The following SCARB2 variants were observed in gnomAD, a reference collection of about 807,000 sequenced individuals.
SCARB2 encodes the protein scavenger receptor class B member 2, also known as lysosome membrane protein 2.
In SCARB2, 29 loss-of-function variants were observed where a neutral mutation model predicts 58.6. The observed-to-expected ratio is 0.49, with a 90% confidence interval of 0.37 to 0.67. SCARB2 has a LOEUF of 0.67. SCARB2 is among the 30% of genes least tolerant of loss of function. The pLI is 0.00. For missense variants in SCARB2, 488 were observed against 578.5 expected (o/e 0.84, Z 1.60); for synonymous variants, 195 against 210.1 (o/e 0.93, Z 0.62).
Position 76,176,306 on chromosome 4 carries a change from C to T in SCARB2, c.704+131G>A, listed in dbSNP as rs1732250373. On this transcript the variant is annotated intron_variant, in intron 5 of 11. Transcript: ENST00000264896. ...ATCTTGATTTGTAGAATAATAATTA[C>T]AAGACTATTTACATGTTTTTATATT... 4 of 650,456 alleles carry T rather than the reference C, an allele frequency of 6.1e-6. No individual in the cohort carries two copies. In the South Asian group the frequency reaches 7.5e-5, roughly 12 times the overall value. The allele number at this position is 650,456 out of a possible 1,614,324, so 40.3% of individuals were successfully genotyped here.
upstream of SCARB2, chr4:76,217,486 T>C: frequency 7.3e-6 from 3 of 408,196 alleles, no homozygotes; most frequent in Admixed American, 8.5e-5. Context: ...AGAGAGCGGG[T>C]TGTTGAAAAG....
At chr4:76,169,234 A>T (rs1377834407) in intron 8 of SCARB2, among the ~76,000 whole-genome samples, 1 of 151,902 alleles carries the variant, frequency 6.6e-6, no homozygotes, top group African/African-American at 2.4e-5. Flanking sequence ...ATTGGTCCAT[A>T]ATGTTCAAAT....
At chr4:76,192,065 C>G (rs918437247) in intron 2 of SCARB2, 3 of 152,124 alleles carry the variant, frequency 2.0e-5, no homozygotes, top group Non-Finnish European at 4.4e-5. Context: ...GCCACCATGC[C>G]CAGGAAGGTT....
chr4:76,185,792 G>C (rs1732474248), intron 2 of SCARB2, among the ~76,000 whole-genome samples: 1 of 152,150 alleles, frequency 6.6e-6, no homozygotes, highest in Non-Finnish European at 1.5e-5. Flanking sequence ...AGAAGTGATT[G>C]GGCATACACT....
chr4:76,201,853 T>G (rs1732834626), intron 1 of SCARB2, among the ~76,000 whole-genome samples: 1 of 152,238 alleles, frequency 6.6e-6, no homozygotes, highest in Non-Finnish European at 1.5e-5. Flanking sequence ...TCATAGCAAG[T>G]ATAGCATAGG....
intron 1 of SCARB2, among the ~76,000 whole-genome samples, chr4:76,228,478 TAA>T (rs906897366): frequency 2.1e-5 from 3 of 140,774 alleles, no homozygotes; most frequent in African/African-American, 2.6e-5. Flanking sequence ...GCCTCCATCT[TAA>T]AAAAAAAAAA....
chr4:76,167,867 A>T (rs530065970), intron 9 of SCARB2, among the ~76,000 whole-genome samples: 2 of 152,088 alleles, frequency 1.3e-5, no homozygotes, highest in African/African-American at 2.4e-5. Flanking sequence ...TTTTTAGTAG[A>T]GACGAGGTTT....
intron 1 of SCARB2, among the ~76,000 whole-genome samples, chr4:76,233,807 AG>A (rs780907526): frequency 2.8e-4 from 43 of 152,188 alleles, no homozygotes; most frequent in Non-Finnish European, 1.0e-4. Context: ...AACCAGATGA[AG>A]GCTTCATTTC....
At chr4:76,227,556 T>G (rs1733419237) in intron 1 of SCARB2, among the ~76,000 whole-genome samples, 2 of 152,328 alleles carry the variant, frequency 1.3e-5, no homozygotes, top group South Asian at 2.1e-4. Context: ...ATCTGGGGTA[T>G]AGTTTCAGTC....
intron 3 of SCARB2, 171 bp downstream of exon 3, chr4:76,180,783 G>A (rs1732365995): frequency 2.2e-6 from 1 of 461,680 alleles, no homozygotes. Context: ...ATACATCTTA[G>A]AAAAAAGTCC....
chr4:76,165,484 T>A (rs1180771721), intron 10 of SCARB2: 1 of 152,172 alleles, frequency 6.6e-6, no homozygotes, highest in Non-Finnish European at 1.5e-5. Context: ...TTAAAAAAAT[T>A]TCTAAGAATT....
chr4:76,227,341 A>G (rs917131683), intron 1 of SCARB2, among the ~76,000 whole-genome samples: 2 of 152,140 alleles, frequency 1.3e-5, no homozygotes, highest in African/African-American at 4.8e-5. Context: ...CATTATTTGT[A>G]CAGTTTTGAG....
At chr4:76,175,966 T>C (rs1732244000) in intron 5 of SCARB2, 56 bp from the exon 6 acceptor site, 3 of 1,602,758 alleles carry the variant, frequency 1.9e-6, no homozygotes, top group Non-Finnish European at 2.6e-6. Flanking sequence ...GTTTAGATTC[T>C]CTTAAATGGT....
At chr4:76,199,271 C>T (rs888221469) in intron 1 of SCARB2, among the ~76,000 whole-genome samples, 6 of 152,196 alleles carry the variant, frequency 3.9e-5, no homozygotes, top group Admixed American at 3.3e-4. Flanking sequence ...CCCCATGGCA[C>T]CCTGAGGGTA....
intron 7 of SCARB2, among the ~76,000 whole-genome samples, chr4:76,170,726 G>T (rs1157003107): frequency 1.3e-5 from 2 of 151,634 alleles, no homozygotes; most frequent in Non-Finnish European, 1.5e-5. Flanking sequence ...CACCATGTTG[G>T]CAAGGCTGGT....
intron 11 of SCARB2, 91 bp downstream of exon 11, chr4:76,163,134 T>C: frequency 6.6e-7 from 1 of 1,524,498 alleles, no homozygotes; most frequent in South Asian, 1.1e-5. Context: ...TTTATCCTAA[T>C]AAGCCAGCTG....
At chr4:76,189,777 G>C (rs1036052889) in intron 2 of SCARB2, among the ~76,000 whole-genome samples, 13 of 151,914 alleles carry the variant, frequency 8.6e-5, no homozygotes, top group Non-Finnish European at 4.4e-5. Flanking sequence ...CAACCAAAAG[G>C]GTTTTTTAAA....
chr4:76,185,175 T>G (rs1488923300), intron 2 of SCARB2, among the ~76,000 whole-genome samples: 1 of 152,158 alleles, frequency 6.6e-6, no homozygotes, highest in African/African-American at 2.4e-5. Context: ...TACACAGAGG[T>G]TAATTCACAG....
intron 4 of SCARB2, chr4:76,178,955 C>T (rs1732319759): frequency 6.3e-6 from 1 of 158,738 alleles, no homozygotes; most frequent in Admixed American, 6.1e-5. Flanking sequence ...TCCCAGAGCA[C>T]ACCCCTAATC....
Sources: gnomAD v4.1 joint callset for allele counts (sites outside exome capture counted in the v4.1 genomes callset) on GRCh38, gnomAD v4.1.1 for gene constraint, MANE v1.5 for transcripts, NCBI Gene and HGNC (gene_info 2026-07-23, HGNC 2026-07-21) for gene names.